PCGF3: variants seen among roughly 807,000 people sequenced by gnomAD.
PCGF3 encodes the protein polycomb group RING finger protein 3.
PCGF3 carries 7 observed loss-of-function variants against 33.1 expected under a neutral mutation model. The observed-to-expected ratio is 0.21, with a 90% CI of 0.12 to 0.40. The LOEUF (loss-of-function observed/expected upper bound fraction) is 0.40, where lower values mean the gene tolerates loss of function less well. PCGF3 is among the 10% of genes least tolerant of loss of function. The pLI, the probability that PCGF3 is intolerant of heterozygous loss-of-function variation, is 1.00. For synonymous variants in PCGF3, 153 were observed against 121.3 expected, an observed-to-expected ratio of 1.26 and a Z score of -1.72; for missense variants, 211 against 313.3, an observed-to-expected ratio of 0.67 and a Z score of 2.46.
chr4:744,222 G>C (rs1299951177), intron 7 of PCGF3, among the ~76,000 whole-genome samples: 1 of 152,212 alleles, frequency 6.6e-6, no homozygotes, highest in Non-Finnish European at 1.5e-5. Flanking sequence ...TTTTAAAAGC[G>C]GTGTTGAAAC....
chr4:727,223 T>G (rs1743365681), intron 1 of PCGF3, among the ~76,000 whole-genome samples: 1 of 148,618 alleles, frequency 6.7e-6, no homozygotes, highest in African/African-American at 2.5e-5. Context: ...ATGTGTGTGT[T>G]AGCGAGCGTC....
intron 1 of PCGF3, among the ~76,000 whole-genome samples, chr4:725,856 A>G (rs1417566128): frequency 2.6e-5 from 4 of 152,054 alleles, no homozygotes; most frequent in African/African-American, 4.8e-5. Context: ...ACAGATGATG[A>G]CGGAGCCTCC....
chr4:739,669 A>G (rs1431920964), intron 6 of PCGF3, among the ~76,000 whole-genome samples: 1 of 152,194 alleles, frequency 6.6e-6, no homozygotes, highest in African/African-American at 2.4e-5. Context: ...GGTGTCGTCC[A>G]TGTGCTGAGC....
intron 10 of PCGF3, among the ~76,000 whole-genome samples, 200 bp downstream of exon 10, chr4:765,264 TCTACTA>T (rs1745299351): frequency 6.6e-6 from 1 of 152,102 alleles, no homozygotes; most frequent in Admixed American, 6.5e-5. Flanking sequence ...AAACCCAATC[TCTACTA>T]AAAATACAAA....
chr4:765,378 A>G (rs866320261), intron 10 of PCGF3, among the ~76,000 whole-genome samples: 33 of 152,050 alleles, frequency 2.2e-4, no homozygotes, highest in Non-Finnish European at 3.7e-4. Context: ...GCTTGCAGTG[A>G]GCCAAGATCG....
In PCGF3 at chr4:760,054, C is replaced by T. The variant is rs555931133; in HGVS notation, c.463-1225C>T. On this transcript the variant is annotated intron_variant, in intron 8 of 10. Transcript: ENST00000362003. ...GCAGGCGGCCTCGCTCCATCCCACC[C>T]CGGAGCAAGGATGTCTCTTGCTTTT... Among the ~76,000 whole-genome samples the T allele has an allele frequency of 6.2e-4, 95 of 152,356 alleles. 4 individuals carry two copies. The highest frequency in any genetic ancestry group is 3.6e-3 in the Admixed American group (55 of 15,300).
intron 9 of PCGF3, chr4:762,862 A>T (rs1745140264): frequency 6.6e-6 from 1 of 152,346 alleles, no homozygotes; most frequent in South Asian, 2.1e-4. Context: ...AAGCCACAAT[A>T]AGTTGCTGAT....
At chr4:744,468 C>A in intron 7 of PCGF3, 132 bp from the exon 8 acceptor site, 1 of 694,216 alleles carries the variant, frequency 1.4e-6, no homozygotes, top group Non-Finnish European at 2.5e-6. Flanking sequence ...TCCTTTGACG[C>A]TTACTCCGCT....
chr4:734,945 C>T (rs1254795290), exon 5 of PCGF3: 2 of 1,613,596 alleles, frequency 1.2e-6, no homozygotes, highest in Non-Finnish European at 8.5e-7. Context: ...CAGGAGCTGC[C>T]TGGTGAAGTA....
chr4:711,706 C>T (rs1742578332), intron 1 of PCGF3, among the ~76,000 whole-genome samples: 2 of 151,788 alleles, frequency 1.3e-5, no homozygotes, highest in African/African-American at 4.8e-5. Flanking sequence ...ATCCACCCGC[C>T]TCGGCCTCCC....
intron 5 of PCGF3, among the ~76,000 whole-genome samples, chr4:736,351 A>G (rs1743820277): frequency 6.6e-6 from 1 of 152,104 alleles, no homozygotes; most frequent in African/African-American, 2.4e-5. Context: ...CCCGGCCCTC[A>G]CAGACTTTTC....
chr4:764,749 AAT>A (rs1324124877), intron 9 of PCGF3: 1 of 476,676 alleles, frequency 2.1e-6, no homozygotes, highest in Non-Finnish European at 3.8e-6. Flanking sequence ...CCTGCCCTGT[AAT>A]ATCTTATATG....
At chr4:726,880 A>T (rs1275641160) in intron 1 of PCGF3, among the ~76,000 whole-genome samples, 1 of 152,080 alleles carries the variant, frequency 6.6e-6, no homozygotes, top group Non-Finnish European at 1.5e-5. Flanking sequence ...GCTGGCCCAG[A>T]GCTCGGTCCC....
intron 8 of PCGF3, among the ~76,000 whole-genome samples, chr4:751,842 G>A (rs992191690): frequency 1.4e-4 from 21 of 152,044 alleles, no homozygotes; most frequent in Non-Finnish European, 2.1e-4. Context: ...AGCCGGCCGC[G>A]CTGGCTTCAC....
Position 748,254 on chromosome 4 carries a change from C to T in PCGF3, c.462+3566C>T, listed in dbSNP as rs148513298. Among the ~76,000 whole-genome samples the T allele has an allele frequency of 4.9e-3, 749 of 151,378 alleles. 10 individuals are homozygous for T. Among genetic ancestry groups the T allele is most frequent in the African/African-American group, 0.017 (694 of 41,178 alleles). On this transcript the variant is annotated intron_variant, in intron 8 of 10. Transcript: ENST00000362003. ...TGCTCTTGTCTGCCAGGCTGGAATGCGGTGGCACCATCCCGGCTCACTGCA... is the reference window on the plus strand; with the variant it reads ...TGCTCTTGTCTGCCAGGCTGGAATGTGGTGGCACCATCCCGGCTCACTGCA...
chr4:753,855 G>A (rs769648315), intron 8 of PCGF3, among the ~76,000 whole-genome samples: 1 of 151,860 alleles, frequency 6.6e-6, no homozygotes, highest in Admixed American at 6.6e-5. Flanking sequence ...GCTGAGGCAT[G>A]AGAATCGCTT....
At chr4:740,815 C>T (rs11248037) in intron 6 of PCGF3, among the ~76,000 whole-genome samples, 34,504 of 152,160 alleles carry the variant, frequency 0.23, 4,560 homozygotes, top group Admixed American at 0.34. Context: ...CTGTGGTCGC[C>T]TTCACCCGTA....
chr4:755,173 T>TA (rs1471289790), intron 8 of PCGF3, among the ~76,000 whole-genome samples: 3 of 152,380 alleles, frequency 2.0e-5, no homozygotes, highest in African/African-American at 7.2e-5. Flanking sequence ...CACGTGTTGT[T>TA]ACGCTGTGAC....
rs1743742362 is a variant in PCGF3, at chr4:734,281, T to G, written c.109+492T>G. ...GACGGGCAGGTGCCATCCATCAGGCTGAGGCTCGGCTCTTATGCTAACCTG... is the reference window on the plus strand; with the variant it reads ...GACGGGCAGGTGCCATCCATCAGGCGGAGGCTCGGCTCTTATGCTAACCTG... On this transcript the variant is annotated intron_variant, in intron 4 of 10. Coordinates refer to ENST00000362003, the Ensembl canonical transcript of PCGF3. 4.8e-6 allele frequency: 7 copies of G among 1,464,554 alleles called. No individual in the cohort carries two copies. The South Asian group carries it at 1.0e-4, about 21-fold the overall frequency. The allele number at this position is 1,464,554 out of a possible 1,614,324, so 90.7% of individuals were successfully genotyped here.
Sources: allele counts gnomAD v4.1 joint callset (sites outside exome capture counted in the v4.1 genomes callset), GRCh38; gene constraint gnomAD v4.1.1; transcripts MANE v1.5; gene names NCBI Gene and HGNC (gene_info 2026-07-23, HGNC 2026-07-21).